Variants in GABRG3 observed in about 807,000 individuals in gnomAD.
GABRG3 encodes gamma-aminobutyric acid type A receptor subunit gamma3.
GABRG3 carries 25 observed loss-of-function variants against 48.8 expected under a neutral mutation model. That is an observed-to-expected ratio of 0.51 (90% CI 0.37 to 0.72). The LOEUF is 0.72. GABRG3 is among the 30% of genes least tolerant of loss of function. The pLI, the probability that GABRG3 is intolerant of heterozygous loss-of-function variation, is 0.00. For missense variants in GABRG3, 394 were observed against 577.9 expected (o/e 0.68, Z 3.26); for synonymous variants, 227 against 217.6 (o/e 1.04, Z -0.38).
At chr15:27,284,468 G>A (rs551597444) in intron 3 of GABRG3, among the ~76,000 whole-genome samples, 1 of 152,140 alleles carries the variant, frequency 6.6e-6, no homozygotes, top group Admixed American at 6.5e-5. Context: ...AGAATACCAC[G>A]ACATTTTCTG....
rs540031850 is a variant in GABRG3, at chr15:27,232,591, C to G, written c.271-94218C>G. 1.2e-3 allele frequency among the ~76,000 whole-genome samples: 183 copies of G among 152,224 alleles called. 4 individuals carry two copies. The highest frequency in any genetic ancestry group is 5.3e-4 in the Non-Finnish European group (36 of 68,020). Reference sequence around the variant, plus strand: ...TGGGGCAGCTGTTCTCCTGCCAGACCATGTTCTGAGTGCTGGGACTAGAGG... The same window carrying G: ...TGGGGCAGCTGTTCTCCTGCCAGACGATGTTCTGAGTGCTGGGACTAGAGG... On this transcript the variant is annotated intron_variant, in intron 3 of 9. Transcript: ENST00000615808.
At chr15:27,197,750 G>T (rs571329340) in intron 3 of GABRG3, among the ~76,000 whole-genome samples, 220 of 152,120 alleles carry the variant, frequency 1.4e-3, no homozygotes, top group Non-Finnish European at 2.4e-3. Flanking sequence ...GGCTTTTTTT[G>T]GTTGGTAGGC....
At chr15:27,375,548 AAG>A (rs1320786214) in intron 5 of GABRG3, among the ~76,000 whole-genome samples, 1 of 152,138 alleles carries the variant, frequency 6.6e-6, no homozygotes, top group Non-Finnish European at 1.5e-5. Context: ...TGGGAAGAAA[AAG>A]AGATTTAATT....
At chr15:27,162,544 G>T (rs994180865) in intron 3 of GABRG3, among the ~76,000 whole-genome samples, 1 of 152,136 alleles carries the variant, frequency 6.6e-6, no homozygotes, top group Non-Finnish European at 1.5e-5. Flanking sequence ...GCCAGATCGG[G>T]TGCAGTACCT....
chr15:27,182,018 A>G (rs1887948229), intron 3 of GABRG3, among the ~76,000 whole-genome samples: 1 of 150,608 alleles, frequency 6.6e-6, no homozygotes, highest in Admixed American at 6.6e-5. Flanking sequence ...TATAATATGA[A>G]TGTAACTGAA....
At chr15:27,300,922 G>A (rs1235611874) in intron 3 of GABRG3, among the ~76,000 whole-genome samples, 1 of 150,996 alleles carries the variant, frequency 6.6e-6, no homozygotes, top group African/African-American at 2.4e-5. Context: ...AGCCAAGATC[G>A]CACCACTGTA....
At chr15:27,434,662 C>T (rs1888553462) in intron 5 of GABRG3, among the ~76,000 whole-genome samples, 1 of 152,104 alleles carries the variant, frequency 6.6e-6, no homozygotes, top group Non-Finnish European at 1.5e-5. Flanking sequence ...ACAACAGTCC[C>T]TTCATATTCC....
At chr15:27,329,411 C>A (rs892247063) in intron 5 of GABRG3, among the ~76,000 whole-genome samples, 1 of 152,102 alleles carries the variant, frequency 6.6e-6, no homozygotes, top group Non-Finnish European at 1.5e-5. Flanking sequence ...ACTATGGGCA[C>A]GTGCTACCAC....
intron 2 of GABRG3, among the ~76,000 whole-genome samples, chr15:27,003,734 T>G (rs908062238): frequency 0.011 from 1,620 of 152,120 alleles, 41 homozygotes; most frequent in African/African-American, 0.038. Flanking sequence ...AATGAGCTGT[T>G]GGGTACACCT....
intron 3 of GABRG3, among the ~76,000 whole-genome samples, chr15:27,252,478 G>T (rs547540860): frequency 6.6e-6 from 1 of 152,324 alleles, no homozygotes; most frequent in African/African-American, 2.4e-5. Context: ...GAGGAGACCA[G>T]ATTGTCCAGG....
At chr15:27,192,752 C>T (rs998713632) in intron 3 of GABRG3, among the ~76,000 whole-genome samples, 3 of 152,200 alleles carry the variant, frequency 2.0e-5, no homozygotes, top group Non-Finnish European at 4.4e-5. Context: ...TGTTCCATTG[C>T]TGGTGAGGAA....
At chr15:27,532,359 C>T (rs1891441997) in intron 9 of GABRG3, among the ~76,000 whole-genome samples, 1 of 149,974 alleles carries the variant, frequency 6.7e-6, no homozygotes. Flanking sequence ...GGGAAGCTTC[C>T]TCCTTTCTTC....
At chr15:27,237,772 T>G (rs974229865) in intron 3 of GABRG3, among the ~76,000 whole-genome samples, 1 of 152,238 alleles carries the variant, frequency 6.6e-6, no homozygotes, top group African/African-American at 2.4e-5. Flanking sequence ...GAGGCACCTC[T>G]TCCCACCCAG....
chr15:27,387,733 G>T (rs1895968688), intron 5 of GABRG3, among the ~76,000 whole-genome samples: 1 of 149,646 alleles, frequency 6.7e-6, no homozygotes, highest in South Asian at 2.1e-4. Context: ...GACCCCAGCA[G>T]GGAGGGGGCC....
In GABRG3 at chr15:27,347,870, C is replaced by A. The variant is rs141782955; in HGVS notation, c.574+18982C>A. 5.4e-3 allele frequency among the ~76,000 whole-genome samples: 819 copies of A among 152,234 alleles called. 7 individuals are homozygous for A. The highest frequency in any genetic ancestry group is 0.019 in the African/African-American group (778 of 41,526). ...GATACCTGCTGTGACTCTCTATTAA[C>A]CTGCCTCTGCAGATTTCAGGGGGGG... On this transcript the variant is annotated intron_variant, in intron 5 of 9. Coordinates refer to ENST00000615808, the MANE Select transcript of GABRG3 (RefSeq NM_033223.5).
intron 3 of GABRG3, among the ~76,000 whole-genome samples, chr15:27,167,752 G>A (rs888966218): frequency 6.6e-6 from 1 of 152,146 alleles, no homozygotes; most frequent in African/African-American, 2.4e-5. Flanking sequence ...GGTGCACACC[G>A]GGAGAAAAGC....
intron 2 of GABRG3, among the ~76,000 whole-genome samples, chr15:26,996,337 G>T (rs905946013): frequency 1.1e-4 from 16 of 152,026 alleles, no homozygotes; most frequent in African/African-American, 3.6e-4. Flanking sequence ...GTTTTTTAAT[G>T]TGGGAATTTT....
rs35662612 is a variant in GABRG3 at position 27,264,615 on chromosome 15, T to TA, written c.271-62180dup. 3.9e-3 allele frequency among the ~76,000 whole-genome samples: 572 copies of TA among 145,428 alleles called. 3 individuals are homozygous for TA. The highest frequency in any genetic ancestry group is 0.012 in the African/African-American group (469 of 39,562). On this transcript the variant is annotated intron_variant, in intron 3 of 9. Coordinates refer to ENST00000615808, the MANE Select transcript of GABRG3 (RefSeq NM_033223.5). The stretch of plus-strand genomic sequence containing the variant: ...TTTATAAAAAACCCTCAAACCAGCT[T>TA]AAAAAAAAAAAAAACCTTATGAATA...
chr15:27,426,520 C>T (rs1426486568), intron 5 of GABRG3, among the ~76,000 whole-genome samples: 1 of 152,022 alleles, frequency 6.6e-6, no homozygotes, highest in Admixed American at 6.6e-5. Flanking sequence ...AAAGAAAAGA[C>T]AAAGCCTTTC....
Sources: gnomAD v4.1 joint callset for allele counts (sites outside exome capture counted in the v4.1 genomes callset) on GRCh38, gnomAD v4.1.1 for gene constraint, MANE v1.5 for transcripts, NCBI Gene and HGNC (gene_info 2026-07-23, HGNC 2026-07-21) for gene names.